The following GABBR2 variants were observed in gnomAD, a reference collection of about 807,000 sequenced individuals.
GABBR2 encodes the protein G-protein coupled receptor 51.
In GABBR2, 23 loss-of-function variants were observed where a neutral mutation model predicts 105.6. The ratio of observed to expected loss-of-function variants is 0.22; its 90% CI spans 0.16 to 0.31. The LOEUF is 0.31. Among genes scored for constraint, GABBR2 ranks in the 10% least tolerant of loss-of-function variants. GABBR2 has a pLI of 1.00. For missense variants in GABBR2, 734 were observed against 1,245.5 expected (o/e 0.59, Z 6.18); for synonymous variants, 478 against 499.7 (o/e 0.96, Z 0.58).
intron 3 of GABBR2, chr9:98,538,469 T>C (rs1828224022): frequency 4.6e-6 from 1 of 219,054 alleles, no homozygotes; most frequent in Non-Finnish European, 7.7e-6. Flanking sequence ...CACGCAGCCA[T>C]GCTTGGCCAA....
chr9:98,359,802 C>T (rs1831551428), intron 13 of GABBR2, among the ~76,000 whole-genome samples: 1 of 152,152 alleles, frequency 6.6e-6, no homozygotes, highest in African/African-American at 2.4e-5. Context: ...TGTGTGGAGG[C>T]TGGCTGAGAC....
intron 1 of GABBR2, among the ~76,000 whole-genome samples, chr9:98,633,041 G>T (rs1829834023): frequency 1.3e-5 from 2 of 152,178 alleles, no homozygotes; most frequent in African/African-American, 4.8e-5. Flanking sequence ...GACACCCTAG[G>T]TTGTAGTGTT....
chr9:98,652,588 C>G (rs1378225587), intron 1 of GABBR2, among the ~76,000 whole-genome samples: 1 of 152,186 alleles, frequency 6.6e-6, no homozygotes, highest in Non-Finnish European at 1.5e-5. Context: ...CTGCCTTCTC[C>G]CACACCCGCC....
intron 3 of GABBR2, among the ~76,000 whole-genome samples, chr9:98,504,953 G>C (rs1421307838): frequency 2.0e-5 from 3 of 152,238 alleles, no homozygotes; most frequent in African/African-American, 7.2e-5. Flanking sequence ...GAGAGGTGTA[G>C]ACCAAAGCCG....
intron 3 of GABBR2, among the ~76,000 whole-genome samples, chr9:98,508,807 A>T (rs561720473): frequency 3.3e-5 from 5 of 152,150 alleles, no homozygotes; most frequent in Admixed American, 3.3e-4. Context: ...CAGCTCAAGG[A>T]GGCCTGCCTG....
At chr9:98,505,357 A>C (rs1236418380) in intron 3 of GABBR2, among the ~76,000 whole-genome samples, 1 of 152,068 alleles carries the variant, frequency 6.6e-6, no homozygotes, top group Non-Finnish European at 1.5e-5. Context: ...TATGTATTAG[A>C]TCTGCTGCAC....
intron 13 of GABBR2, among the ~76,000 whole-genome samples, chr9:98,328,544 T>C (rs1416022469): frequency 6.6e-6 from 1 of 152,082 alleles, no homozygotes; most frequent in Non-Finnish European, 1.5e-5. Flanking sequence ...GAACCAAAGA[T>C]ATCAATGTAA....
chr9:98,641,760 C>T (rs1007061034), intron 1 of GABBR2, among the ~76,000 whole-genome samples: 3 of 152,112 alleles, frequency 2.0e-5, no homozygotes, highest in Non-Finnish European at 4.4e-5. Flanking sequence ...CAAACAAGAC[C>T]GTGAGCTCCT....
intron 11 of GABBR2, among the ~76,000 whole-genome samples, chr9:98,373,946 C>A (rs1343691235): frequency 1.4e-5 from 2 of 144,764 alleles, no homozygotes; most frequent in East Asian, 2.2e-4. Flanking sequence ...CAGCCTCCAT[C>A]TCCAGAGCTC....
chr9:98,368,301 T>TAAA (rs138373969), intron 12 of GABBR2, among the ~76,000 whole-genome samples: 196 of 99,872 alleles, frequency 2.0e-3, no homozygotes, highest in African/African-American at 7.0e-3. Flanking sequence ...TTTTAAAAAG[T>TAAA]AAAAAAAAAA....
intron 7 of GABBR2, among the ~76,000 whole-genome samples, chr9:98,453,775 C>T (rs908633136): frequency 2.0e-5 from 3 of 152,198 alleles, no homozygotes; most frequent in South Asian, 2.1e-4. Flanking sequence ...CCATGAGTCA[C>T]AGAGAAGCAT....
intron 7 of GABBR2, among the ~76,000 whole-genome samples, chr9:98,431,099 C>T (rs1476594382): frequency 2.0e-5 from 3 of 151,992 alleles, no homozygotes; most frequent in Non-Finnish European, 4.4e-5. Flanking sequence ...TCACTCTTAC[C>T]TACTCGCTTG....
rs577274603 is a variant in GABBR2, at chr9:98,458,781, C to G, written c.1000-4564G>C. ...TTCAGTATATCAGTGAGTGAGTTAA[C>G]TTAGGAATCTGTATTTTTAAAAACC... On this transcript the variant is annotated intron_variant, in intron 6 of 18. Coordinates refer to ENST00000259455, the MANE Select transcript of GABBR2 (RefSeq NM_005458.8). Among the ~76,000 whole-genome samples, 71 of 152,334 alleles carry G rather than the reference C, an allele frequency of 4.7e-4. 1 individual carries two copies. Among genetic ancestry groups the G allele is most frequent in the African/African-American group, 1.5e-3 (61 of 41,588 alleles).
intron 3 of GABBR2, chr9:98,515,970 CTTGGGTGGTGGCACTGGCCTGGCCCCTAG>C (rs1429620256): frequency 5.9e-5 from 9 of 152,650 alleles, no homozygotes; most frequent in Non-Finnish European, 1.2e-4. Context: ...AGAGGAAGAG[CTTGGGTGGTGGCACTGGCCTGGCCCCTAG>C]GTGGTTCCTG....
intron 7 of GABBR2, among the ~76,000 whole-genome samples, chr9:98,433,859 G>A (rs1825855245): frequency 6.6e-6 from 1 of 152,186 alleles, no homozygotes; most frequent in Non-Finnish European, 1.5e-5. Flanking sequence ...ACCTTATGGA[G>A]AGAGTGGCTA....
chr9:98,500,175 G>A (rs903493441), intron 3 of GABBR2, among the ~76,000 whole-genome samples: 2 of 152,224 alleles, frequency 1.3e-5, no homozygotes, highest in African/African-American at 4.8e-5. Context: ...AAAAATAGAA[G>A]TACATTCTTC....
At chr9:98,538,503 C>T (rs1406124547) in intron 3 of GABBR2, 8 of 552,944 alleles carry the variant, frequency 1.4e-5, no homozygotes, top group African/African-American at 4.1e-5. Flanking sequence ...ATCAGTACCT[C>T]AGACCCAAGT....
chr9:98,665,207 T>A (rs376789475), intron 1 of GABBR2, among the ~76,000 whole-genome samples: 29 of 152,132 alleles, frequency 1.9e-4, no homozygotes, highest in African/African-American at 5.8e-4. Flanking sequence ...AGGTCCAGGC[T>A]GCAGTGAACC....
intron 13 of GABBR2, among the ~76,000 whole-genome samples, chr9:98,318,270 C>T: frequency 6.6e-6 from 1 of 152,172 alleles, no homozygotes; most frequent in Admixed American, 6.5e-5. Flanking sequence ...GGAGCTGATC[C>T]AGGGGCCACC....
Sources: gnomAD v4.1 joint callset for allele counts (sites outside exome capture counted in the v4.1 genomes callset) on GRCh38, gnomAD v4.1.1 for gene constraint, MANE v1.5 for transcripts, NCBI Gene and HGNC (gene_info 2026-07-23, HGNC 2026-07-21) for gene names.